The following ZNF395 variants were observed in gnomAD, a reference collection of about 807,000 sequenced individuals.
ZNF395 encodes zinc finger protein 395.
ZNF395 carries 20 observed loss-of-function variants against 57.7 expected under a neutral mutation model. The ratio of observed to expected loss-of-function variants is 0.35; its 90% CI spans 0.24 to 0.50. The LOEUF (loss-of-function observed/expected upper bound fraction) is 0.50. Ranked by LOEUF, ZNF395 falls within the 20% of genes least tolerant of loss-of-function variation. The pLI, the probability that ZNF395 is intolerant of heterozygous loss-of-function variation, is 0.97. For synonymous variants in ZNF395, 295 were observed against 275.9 expected, an observed-to-expected ratio of 1.07 and a Z score of -0.69; for missense variants, 606 against 671.2, an observed-to-expected ratio of 0.90 and a Z score of 1.07.
intron 1 of ZNF395, among the ~76,000 whole-genome samples, chr8:28,369,728 C>T (rs1022530839): frequency 2.0e-5 from 3 of 152,214 alleles, no homozygotes; most frequent in Non-Finnish European, 2.9e-5. Flanking sequence ...CCCGCCCACA[C>T]GGGTGGGGGC....
chr8:28,362,718 T>C (rs1162720897), intron 1 of ZNF395, among the ~76,000 whole-genome samples: 1 of 152,222 alleles, frequency 6.6e-6, no homozygotes, highest in East Asian at 1.9e-4. Context: ...AATCCTAGCC[T>C]CTTTCCAAAT....
chr8:28,369,705 T>G (rs1487166413), intron 1 of ZNF395, among the ~76,000 whole-genome samples: 1 of 152,204 alleles, frequency 6.6e-6, no homozygotes, highest in Non-Finnish European at 1.5e-5. Flanking sequence ...CTGGCCAGCC[T>G]CTGGGAGCTA....
rs1413896379 is a variant in ZNF395, at chr8:28,346,064, G to A, written c.*2655C>T. 2 of 152,082 alleles carry A rather than the reference G, an allele frequency of 1.3e-5. No homozygotes were observed. Among genetic ancestry groups the A allele is most frequent in the South Asian group, 2.1e-4 (1 of 4,826 alleles). 9.4% of individuals were successfully genotyped at this position (152,082 alleles called of 1,614,324 possible). The stretch of plus-strand genomic sequence containing the variant: ...CAGACGTCATTCGCTGGACTCCCTG[G>A]GCACTAAATGAGTGTCTAGCATCCT... On this transcript the variant is annotated 3_prime_UTR_variant, in exon 10 of 10. Transcript: ENST00000344423.
At chr8:28,355,958 G>A (rs778913633) in intron 4 of ZNF395, among the ~76,000 whole-genome samples, 1 of 146,866 alleles carries the variant, frequency 6.8e-6, no homozygotes, top group Non-Finnish European at 1.5e-5. Context: ...ATTCAGTTAG[G>A]TGTCCACCAA....
Position 28,348,231 on chromosome 8 carries a change from ACT to A in ZNF395, c.*486_*487del. On this transcript the variant is annotated 3_prime_UTR_variant, in exon 10 of 10. Transcript: ENST00000344423. ...CTGCCCCACGGCCAGGCAGTCCTGC[ACT>A]CTGAGTCACCCATCAGCCAGAAACT... 1 of 136,550 alleles carries A rather than the reference ACT, an allele frequency of 7.3e-6. No homozygotes were observed. Among genetic ancestry groups the A allele is most frequent in the Non-Finnish European group, 1.5e-5 (1 of 65,878 alleles). 8.5% of individuals were successfully genotyped at this position (136,550 alleles called of 1,614,324 possible). A position where few individuals can be genotyped will look rare whatever the true frequency, so the allele number is the denominator to read the frequency against.
intron 1 of ZNF395, chr8:28,386,162 G>C (rs1266426458): frequency 6.1e-5 from 9 of 148,498 alleles, no homozygotes; most frequent in South Asian, 2.1e-4. Flanking sequence ...GCCGAGGCTC[G>C]GTTGGCGCCC....
chr8:28,376,945 T>C (rs1000561976), intron 1 of ZNF395, among the ~76,000 whole-genome samples: 11 of 152,180 alleles, frequency 7.2e-5, no homozygotes, highest in Non-Finnish European at 1.5e-4. Flanking sequence ...AATGCCAAAA[T>C]GCAAGCATAT....
chr8:28,372,336 G>A (rs146500287), intron 1 of ZNF395, among the ~76,000 whole-genome samples: 3 of 152,290 alleles, frequency 2.0e-5, no homozygotes, highest in African/African-American at 7.2e-5. Context: ...CCTAGCAAAA[G>A]TGCGCGATAA....
chr8:28,381,907 G>A (rs1268759223), intron 1 of ZNF395, among the ~76,000 whole-genome samples: 1 of 152,082 alleles, frequency 6.6e-6, no homozygotes, highest in Admixed American at 6.5e-5. Flanking sequence ...ATATTTCAAA[G>A]TCCCAGCCAG....
At chr8:28,381,920 G>A (rs913888604) in intron 1 of ZNF395, among the ~76,000 whole-genome samples, 1 of 152,116 alleles carries the variant, frequency 6.6e-6, no homozygotes, top group Non-Finnish European at 1.5e-5. Flanking sequence ...CCAGCCAGCA[G>A]CTCCTCAAAA....
rs376121897 is a variant in ZNF395 at position 28,362,446 on chromosome 8, G to T, written c.-58-1264C>A. On this transcript the variant is annotated intron_variant, in intron 1 of 9. Coordinates refer to ENST00000344423, the MANE Select transcript of ZNF395 (RefSeq NM_018660.3). ...ATGTGCAAAGCACATCCCAGGTGCCGTGGGGTCACAGCAGGTATAAAACAC... is the reference window on the plus strand; with the variant it reads ...ATGTGCAAAGCACATCCCAGGTGCCTTGGGGTCACAGCAGGTATAAAACAC... 1.8e-4 allele frequency among the ~76,000 whole-genome samples: 27 copies of T among 152,302 alleles called. No homozygotes were observed. The South Asian group carries it at 4.4e-3, about 25-fold the overall frequency.
intron 1 of ZNF395, among the ~76,000 whole-genome samples, chr8:28,377,384 C>A (rs1450381069): frequency 6.6e-6 from 1 of 152,156 alleles, no homozygotes; most frequent in Non-Finnish European, 1.5e-5. Flanking sequence ...AGCCTGGCAA[C>A]AGAGTAAGAT....
At chr8:28,379,034 T>C (rs549106030) in intron 1 of ZNF395, among the ~76,000 whole-genome samples, 1 of 152,368 alleles carries the variant, frequency 6.6e-6, no homozygotes, top group South Asian at 2.1e-4. Flanking sequence ...AAATTAGGAA[T>C]CTGCAGCTAC....
intron 1 of ZNF395, among the ~76,000 whole-genome samples, chr8:28,375,741 G>A (rs1802032988): frequency 6.6e-6 from 1 of 152,156 alleles, no homozygotes; most frequent in South Asian, 2.1e-4. Context: ...GTACCATGGC[G>A]ACAGTCACCA....
At chr8:28,379,813 C>G (rs1211363809) in intron 1 of ZNF395, among the ~76,000 whole-genome samples, 1 of 130,050 alleles carries the variant, frequency 7.7e-6, no homozygotes, top group Non-Finnish European at 1.5e-5. Flanking sequence ...AATACATACA[C>G]AACTAGAAAA....
At chr8:28,386,128 G>C (rs1304462391) in intron 1 of ZNF395, 1 of 147,078 alleles carries the variant, frequency 6.8e-6, no homozygotes, top group Non-Finnish European at 1.5e-5. Flanking sequence ...CGCGGCCCGC[G>C]GCCCGGCTCC....
In ZNF395 at chr8:28,371,614, T is replaced by A. The variant is rs531311442; in HGVS notation, c.-58-10432A>T. Among the ~76,000 whole-genome samples, 6 of 152,288 alleles carry A rather than the reference T, an allele frequency of 3.9e-5. No homozygotes were observed. In the East Asian group the frequency reaches 1.2e-3, roughly 29 times the overall value. ...CAAGAGGCTAATGTGGTATTAGTGG[T>A]TGTGGCATGGAACGGGAAATGTGCA... On this transcript the variant is annotated intron_variant, in intron 1 of 9. Transcript: ENST00000344423.
At position 28,359,860 on chromosome 8, in the gene ZNF395, T is replaced by G; in HGVS notation, c.241-36A>C. 1 of 1,595,836 alleles carries G rather than the reference T, an allele frequency of 6.3e-7. No individual in the cohort carries two copies. The highest frequency in any genetic ancestry group is 8.6e-7 in the Non-Finnish European group (1 of 1,166,596). On this transcript the variant is annotated intron_variant, in intron 2 of 9. Coordinates refer to ENST00000344423, the MANE Select transcript of ZNF395 (RefSeq NM_018660.3). This position sits in a 1 kb window ranked among gnomAD's most constrained non-coding sequence, Gnocchi z 4.7. Reference sequence around the variant, plus strand: ...AGGGACAGCAGTTAGTGGTCAGCCCTGGATGGGTCTCGCCCTGAAGTTCTC... The same window carrying G: ...AGGGACAGCAGTTAGTGGTCAGCCCGGGATGGGTCTCGCCCTGAAGTTCTC...
chr8:28,353,412 GC>G lies in ZNF395; in HGVS notation c.584-5del, dbSNP rs747627304. On this transcript the variant is annotated splice_polypyrimidine_tract_variant and splice_region_variant and intron_variant, in intron 4 of 9. Transcript: ENST00000344423. The stretch of plus-strand genomic sequence containing the variant: ...GGGTCGCAGGCCGCACGGGAAGCTG[GC>G]CAGATGAAGAAAAGATGAGAGGACG... The G allele has an allele frequency of 6.6e-7, 1 of 1,512,024 alleles. No individual in the cohort carries two copies. The highest frequency in any genetic ancestry group is 2.3e-5 in the East Asian group (1 of 43,406). 93.7% of individuals were successfully genotyped at this position (1,512,024 alleles called of 1,614,324 possible). A position where few individuals can be genotyped will look rare whatever the true frequency, so the allele number is the denominator to read the frequency against.
Sources: gnomAD v4.1 joint callset for allele counts (sites outside exome capture counted in the v4.1 genomes callset) on GRCh38, gnomAD v4.1.1 for gene constraint, Gnocchi (gnomAD v3.1) non-coding constraint, MANE v1.5 for transcripts, NCBI Gene and HGNC (gene_info 2026-07-23, HGNC 2026-07-21) for gene names.